GPR153: variants seen among roughly 807,000 people sequenced by gnomAD.
The protein encoded by GPR153 is probable G protein-coupled receptor 153.
GPR153 carries 27 observed loss-of-function variants against 34.1 expected under a neutral mutation model. The ratio of observed to expected loss-of-function variants is 0.79; its 90% confidence interval spans 0.58 to 1.09. The LOEUF (loss-of-function observed/expected upper bound fraction) is 1.09. GPR153 is among the 50% of genes least tolerant of loss of function. The pLI is 0.00. For missense variants in GPR153, 848 were observed against 860.2 expected, an observed-to-expected ratio of 0.99 and a Z score of 0.18; for synonymous variants, 408 against 405.4, an observed-to-expected ratio of 1.01 and a Z score of -0.08.
chr1:6,254,447 G>T, intron 2 of GPR153, 103 bp downstream of exon 2: 1 of 1,070,842 alleles, frequency 9.3e-7, no homozygotes. Flanking sequence ...CTCCCAGCAT[G>T]CCACAGGTGT....
intron 3 of GPR153, among the ~76,000 whole-genome samples, chr1:6,252,043 G>A (rs1267768486): frequency 1.3e-5 from 2 of 152,108 alleles, no homozygotes; most frequent in East Asian, 1.9e-4. Flanking sequence ...CCCCCTTCCC[G>A]GCCAGTGGCC....
chr1:6,255,985 G>C (rs1242379442), intron 1 of GPR153, among the ~76,000 whole-genome samples: 2 of 152,144 alleles, frequency 1.3e-5, no homozygotes, highest in Admixed American at 1.3e-4. Context: ...TATAGAGAAG[G>C]GGTCTTGCAG....
chr1:6,253,942 C>T lies in GPR153; in HGVS notation c.562G>A (p.Val188Met), dbSNP rs769601920. ...LLVGGSVAMG[V>M]ICTAIALFQT... Reference sequence around the variant, plus strand: ...AAGAGGGCGATGGCTGTGCAGATCACGCCCATGGCCACGCTGCCGCCCACC... The same window carrying T: ...AAGAGGGCGATGGCTGTGCAGATCATGCCCATGGCCACGCTGCCGCCCACC... Residue 188 changes from valine (V) to methionine (M), a missense_variant, in exon 3 of 6, where the codon GTG (valine) becomes ATG (methionine). By Grantham distance (21) the Val-to-Met change is conservative. Coordinates refer to ENST00000377893, the MANE Select transcript of GPR153 (RefSeq NM_207370.4). 32 of 1,611,730 alleles carry T rather than the reference C, an allele frequency of 2.0e-5. 1 individual carries two copies. The highest frequency in any genetic ancestry group is 3.3e-5 in the Admixed American group (2 of 59,782).
rs1427290167 is a variant in GPR153 at position 6,247,636 on chromosome 1, G to A, written c.*1702C>T. 1 of 152,250 alleles carries A rather than the reference G, an allele frequency of 6.6e-6. No homozygotes were observed. The highest frequency in any genetic ancestry group is 1.5e-5 in the Non-Finnish European group (1 of 68,056). The allele number at this position is 152,250 out of a possible 1,614,324, so 9.4% of individuals were successfully genotyped here. On this transcript the variant is annotated 3_prime_UTR_variant, in exon 6 of 6. Transcript: ENST00000377893. ...ATTGCCGTTGGATATGAAACACACAGAGCAAAACCCCAAGGTGACAAATGA... is the reference window on the plus strand; with the variant it reads ...ATTGCCGTTGGATATGAAACACACAAAGCAAAACCCCAAGGTGACAAATGA...
Position 6,252,851 on chromosome 1 carries a change from G to A in GPR153, c.786+867C>T, listed in dbSNP as rs1223771146. The stretch of plus-strand genomic sequence containing the variant: ...CCCAGCTTCACCAAGAGGACCCCAG[G>A]CAGCCCCTCTGGACCTCAGACCTTT... On this transcript the variant is annotated intron_variant, in intron 3 of 5. Coordinates refer to ENST00000377893, the MANE Select transcript of GPR153 (RefSeq NM_207370.4). Among the ~76,000 whole-genome samples the A allele has an allele frequency of 3.9e-5, 6 of 152,034 alleles. No homozygotes were observed. In the East Asian group the frequency reaches 1.2e-3, roughly 30 times the overall value.
chr1:6,256,714 C>G (rs1638576050), intron 1 of GPR153, among the ~76,000 whole-genome samples: 1 of 152,128 alleles, frequency 6.6e-6, no homozygotes, highest in Non-Finnish European at 1.5e-5. Context: ...GTTGCCTGGG[C>G]TGGTCTCGAA....
Position 6,249,355 on chromosome 1 carries a change from G to T in GPR153, c.1813C>A (p.Leu605Met). 7.6e-7 allele frequency: 1 copy of T among 1,323,902 alleles called. No individual in the cohort carries two copies. The highest frequency in any genetic ancestry group is 9.6e-7 in the Non-Finnish European group (1 of 1,039,630). The allele number at this position is 1,323,902 out of a possible 1,614,324, so 82.0% of individuals were successfully genotyped here. ...SGYATLHSDS[L>M]GSAS ...CGGCGGTCCTAGGACGCGGAGCCCA[G>T]CGAGTCCGAGTGCAGCGTGGCGTAG... Residue 605 changes from leucine (L) to methionine (M), a missense_variant, in exon 6 of 6, where the codon CTG (leucine) becomes ATG (methionine). By Grantham distance (15) the Leu-to-Met change is conservative. Coordinates refer to ENST00000377893, the MANE Select transcript of GPR153 (RefSeq NM_207370.4). The surrounding 1 kb of genome is among the most constrained non-coding windows in gnomAD (Gnocchi z 4.3).
chr1:6,249,964 C>A lies in GPR153; in HGVS notation c.1204G>T (p.Val402Leu), dbSNP rs78132938. The part of the protein sequence containing the change: ...TRRFSHDDAD[V>L]WAAVPLPAFL... ...GCGGGCAGCGGGACGGCGGCCCACA[C>A]GTCCGCATCGTCGTGGGAGAAGCGC... The change falls in exon 6 of 6, where the codon GTG becomes TTG. Residue 402 changes from valine (V) to leucine (L), a missense_variant. By Grantham distance (32) the Val-to-Leu change is conservative. Coordinates refer to ENST00000377893, the MANE Select transcript of GPR153 (RefSeq NM_207370.4). The surrounding 1 kb of genome is among the most constrained non-coding windows in gnomAD (Gnocchi z 4.3). 4 of 1,279,744 alleles carry A rather than the reference C, an allele frequency of 3.1e-6. No homozygotes were observed. In the African/African-American group the frequency reaches 4.6e-5, roughly 15 times the overall value. 79.3% of individuals were successfully genotyped at this position (1,279,744 alleles called of 1,614,324 possible).
chr1:6,250,387 TCAGGA>T (rs1460720539), intron 5 of GPR153, 48 bp downstream of exon 5: 1 of 1,514,884 alleles, frequency 6.6e-7, no homozygotes, highest in African/African-American at 1.4e-5. Context: ...CTCGGGGAGC[TCAGGA>T]CACCCTGTCA....
At chr1:6,257,577 C>A (rs943907018) in intron 1 of GPR153, among the ~76,000 whole-genome samples, 12 of 152,266 alleles carry the variant, frequency 7.9e-5, no homozygotes, top group Non-Finnish European at 1.8e-4. Context: ...GGGCCCAGGT[C>A]TGGCACACAC....
At position 6,249,778 on chromosome 1, in the gene GPR153, G is replaced by A; in HGVS notation, c.1390C>T (p.Arg464Trp). The A allele has an allele frequency of 8.6e-7, 1 of 1,156,938 alleles. No homozygotes were observed. The highest frequency in any genetic ancestry group is 1.1e-6 in the Non-Finnish European group (1 of 941,930). 71.7% of individuals were successfully genotyped at this position (1,156,938 alleles called of 1,614,324 possible). ...RRSAESLLSL[R>W]PSALDSGPRG... ...GGGCCGCTATCCAGGGCCGAGGGCC[G>A]CAGCGACAGCAGGCTCTCGGCCGAG... Residue 464 changes from arginine to tryptophan, a missense_variant, in exon 6 of 6, where the codon CGG becomes TGG. Coordinates refer to ENST00000377893, the MANE Select transcript of GPR153 (RefSeq NM_207370.4). The surrounding 1 kb of genome is among the most constrained non-coding windows in gnomAD (Gnocchi z 4.3).
rs779198344 is a variant in GPR153, at chr1:6,254,676, T to G, written c.230A>C (p.Glu77Ala). ...GACCTTGCAGAGACCCTCATTCCACTCGAAGTCGGGGCGCTGCCGCCGCAG... is the reference window on the plus strand; with the variant it reads ...GACCTTGCAGAGACCCTCATTCCACGCGAAGTCGGGGCGCTGCCGCCGCAG... ...VQLRRQRPDF[E>A]WNEGLCKVFV... Residue 77 changes from glutamate to alanine, a missense_variant, in exon 2 of 6, where the codon GAG (glutamate) becomes GCG (alanine). Transcript: ENST00000377893. The G allele has an allele frequency of 8.7e-6, 14 of 1,613,500 alleles. No homozygotes were observed. Among genetic ancestry groups the G allele is most frequent in the Non-Finnish European group, 9.3e-6 (11 of 1,179,826 alleles).
intron 1 of GPR153, among the ~76,000 whole-genome samples, chr1:6,257,294 C>T (rs1445148983): frequency 6.6e-6 from 1 of 152,228 alleles, no homozygotes; most frequent in Non-Finnish European, 1.5e-5. Context: ...AGACCACACC[C>T]CCTGAACCTC....
intron 1 of GPR153, 59 bp from the exon 2 acceptor site, chr1:6,255,073 C>T (rs1638536985): frequency 2.0e-6 from 1 of 510,420 alleles, no homozygotes; most frequent in South Asian, 3.5e-5. Flanking sequence ...GCGTTGTAGC[C>T]CTTAGGTACT....
At chr1:6,254,499 G>C (rs1456081055) in intron 2 of GPR153, 51 bp downstream of exon 2, 2 of 1,458,344 alleles carry the variant, frequency 1.4e-6, no homozygotes, top group African/African-American at 1.4e-5. Context: ...ATATGTCTTT[G>C]TTTTCACGCC....
At chr1:6,250,228 C>CAGGAGATAA (rs1638411211) in intron 5 of GPR153, 2 of 985,294 alleles carry the variant, frequency 2.0e-6, no homozygotes, top group Non-Finnish European at 2.4e-6. Context: ...ACTGAGCCGG[C>CAGGAGATAA]AGGAGATAAC....
chr1:6,257,516 C>A (rs555562192), intron 1 of GPR153, among the ~76,000 whole-genome samples: 5 of 152,240 alleles, frequency 3.3e-5, no homozygotes, highest in Non-Finnish European at 7.3e-5. Context: ...GACTGCCATG[C>A]TTCTTCCGCG....
rs5027274 is a variant in GPR153 at position 6,260,390 on chromosome 1, C to T, written c.-110+435G>A. On this transcript the variant is annotated intron_variant, in intron 1 of 5. Transcript: ENST00000377893. Reference sequence around the variant, plus strand: ...TGGGGCTCCGATCCCCCCCCCCCCCCGCAATCCCCGCTCCGACTCGCGTGC... The same window carrying T: ...TGGGGCTCCGATCCCCCCCCCCCCCTGCAATCCCCGCTCCGACTCGCGTGC... Among the ~76,000 whole-genome samples the T allele has an allele frequency of 2.1e-4, 28 of 131,600 alleles. 5 individuals carry two copies. The highest frequency in any genetic ancestry group is 1.1e-3 in the African/African-American group (28 of 25,152). 86.3% of individuals were successfully genotyped at this position (131,600 alleles called of 152,430 possible).
Position 6,248,867 on chromosome 1 carries a change from C to CCA in GPR153, c.*470_*471insTG, listed in dbSNP as rs1218812459. 2 of 153,730 alleles carry CCA rather than the reference C, an allele frequency of 1.3e-5. No individual in the cohort carries two copies. Among genetic ancestry groups the CCA allele is most frequent in the African/African-American group, 4.8e-5 (2 of 41,504 alleles). 9.5% of individuals were successfully genotyped at this position (153,730 alleles called of 1,614,324 possible). ...GCTTAGAGACCCTCTGTACCCTCCC[C>CCA]CCCCCCGAAGGGTGTGGCGGTTATG... On this transcript the variant is annotated 3_prime_UTR_variant, in exon 6 of 6. Transcript: ENST00000377893.
Sources: allele counts gnomAD v4.1 joint callset (sites outside exome capture counted in the v4.1 genomes callset), GRCh38; gene constraint gnomAD v4.1.1; non-coding constraint Gnocchi (gnomAD v3.1); transcripts MANE v1.5; gene names NCBI Gene and HGNC (gene_info 2026-07-23, HGNC 2026-07-21).